Variants in PRICKLE4 observed in about 807,000 individuals in gnomAD.
PRICKLE4 encodes prickle planar cell polarity protein 4, also known as prickle-like protein 4.
In PRICKLE4, 40 loss-of-function variants were observed where a neutral mutation model predicts 43.5. The observed-to-expected ratio is 0.92, with a 90% CI of 0.71 to 1.20. The LOEUF is 1.20. Ranked by LOEUF, PRICKLE4 falls within the 50% of genes most tolerant of loss-of-function variation. PRICKLE4 has a pLI of 0.00. For synonymous variants in PRICKLE4, 208 were observed against 197.4 expected, an observed-to-expected ratio of 1.05 and a Z score of -0.45; for missense variants, 527 against 491.2, an observed-to-expected ratio of 1.07 and a Z score of -0.69.
chr6:41,784,053 G>A, intron 3 of PRICKLE4, 78 bp from the exon 4 acceptor site: 1 of 1,059,658 alleles, frequency 9.4e-7, no homozygotes, highest in Non-Finnish European at 1.4e-6. Flanking sequence ...GAGAAGAGGT[G>A]GCAATGATGA....
At chr6:41,786,372 G>A (rs774521945) in intron 7 of PRICKLE4, 40 bp downstream of exon 7, 1 of 1,538,566 alleles carries the variant, frequency 6.5e-7, no homozygotes, top group Non-Finnish European at 8.7e-7. Context: ...AGGGAGCTTG[G>A]GCTGGGCTGT....
chr6:41,786,353 C>A, intron 7 of PRICKLE4, 21 bp downstream of exon 7: 2 of 1,547,994 alleles, frequency 1.3e-6, no homozygotes, highest in Non-Finnish European at 1.7e-6. Flanking sequence ...GGATGCAGAG[C>A]AAAGCGGGAG....
chr6:41,784,367 G>GAGAATGA, intron 4 of PRICKLE4, 129 bp downstream of exon 4: 1 of 725,342 alleles, frequency 1.4e-6, no homozygotes, highest in Non-Finnish European at 2.2e-6. Flanking sequence ...ACTGGTTGGG[G>GAGAATGA]CGTCATTCTC....
chr6:41,783,525 C>T lies in PRICKLE4; in HGVS notation c.52C>T (p.Gln18Ter), dbSNP rs767033434. 1 of 1,602,680 alleles carries T rather than the reference C, an allele frequency of 6.2e-7. No homozygotes were observed. Among genetic ancestry groups the T allele is most frequent in the South Asian group, 1.1e-5 (1 of 90,760 alleles). Residue 18 changes from glutamine to a stop codon, truncating the protein, a stop_gained, in exon 3 of 8, where the codon CAG becomes TAG. Coordinates refer to ENST00000458694, the MANE Select transcript of PRICKLE4 (RefSeq NM_013397.6). LOFTEE classifies it high-confidence loss of function. Reference protein sequence around the residue: ...WPHQEDSPKPQDPGPPANSDS... With the variant: ...WPHQEDSPKP ...CCACCAAGAAGACAGCCCCAAGCCC[C>T]AGGATCCAGGTCCACCAGCCAACTC...
At position 41,784,226 on chromosome 6, in the gene PRICKLE4, G is replaced by A. The variant is rs374944656; in HGVS notation, c.228G>A (p.Pro76=). The A allele has an allele frequency of 1.6e-4, 250 of 1,610,328 alleles. No individual in the cohort carries two copies. The highest frequency in any genetic ancestry group is 6.6e-4 in the Admixed American group (39 of 59,338). ...GLQTLLQQLP[P]QDIDERYCLA... is the part of the protein sequence containing the mutation. ...AGACCCTCCTGCAGCAACTCCCTCCGCAGGACATTGATGTGGGTCTCCTCT... is the reference window on the plus strand; with the variant it reads ...AGACCCTCCTGCAGCAACTCCCTCCACAGGACATTGATGTGGGTCTCCTCT... The change falls in exon 4 of 8, where the codon CCG becomes CCA. Residue 76 remains proline (P), a synonymous_variant. Transcript: ENST00000458694.
chr6:41,784,068 G>C, intron 3 of PRICKLE4, 63 bp from the exon 4 acceptor site: 2 of 1,251,496 alleles, frequency 1.6e-6, no homozygotes, highest in Non-Finnish European at 2.3e-6. Flanking sequence ...TGATGAGGGG[G>C]AAAGAAGGAG....
chr6:41,781,985 C>T (rs553925427), intron 2 of PRICKLE4, among the ~76,000 whole-genome samples: 1 of 152,136 alleles, frequency 6.6e-6, no homozygotes, highest in East Asian at 1.9e-4. Flanking sequence ...TGATTGATCC[C>T]ATTCTACCTG....
Position 41,787,236 on chromosome 6 carries a change from C to T in PRICKLE4, c.*107C>T. The T allele has an allele frequency of 7.0e-7, 1 of 1,434,732 alleles. No homozygotes were observed. Among genetic ancestry groups the T allele is most frequent in the South Asian group, 1.4e-5 (1 of 68,978 alleles). 88.9% of individuals were successfully genotyped at this position (1,434,732 alleles called of 1,614,324 possible). ...TCCTAGACTGAGACGCAGTCAGGCGCACGCCCGCAAGAGGCGGCGAGGTGA... is the reference window on the plus strand; with the variant it reads ...TCCTAGACTGAGACGCAGTCAGGCGTACGCCCGCAAGAGGCGGCGAGGTGA... On this transcript the variant is annotated 3_prime_UTR_variant, in exon 8 of 8. Coordinates refer to ENST00000458694, the MANE Select transcript of PRICKLE4 (RefSeq NM_013397.6).
rs1772535512 is a variant in PRICKLE4, at chr6:41,780,785, A to C, written c.-225A>C. 2 of 311,256 alleles carry C rather than the reference A, an allele frequency of 6.4e-6. No individual in the cohort carries two copies. The highest frequency in any genetic ancestry group is 1.2e-5 in the Non-Finnish European group (2 of 160,724). The allele number at this position is 311,256 out of a possible 1,614,324, so 19.3% of individuals were successfully genotyped here. A position where few individuals can be genotyped will look rare whatever the true frequency, so the allele number is the denominator to read the frequency against. ...GGGACCGGGTGAGGGGCCTGACGGC[A>C]GAGTCGGTCCAGAACTGCCCGGACA... On this transcript the variant is annotated 5_prime_UTR_variant, in exon 1 of 8. Transcript: ENST00000458694.
In PRICKLE4 at chr6:41,785,421, G is replaced by T. The variant is rs759446865; in HGVS notation, c.463G>T (p.Ala155Ser). The T allele has an allele frequency of 6.2e-7, 1 of 1,614,108 alleles. No individual in the cohort carries two copies. Among genetic ancestry groups the T allele is most frequent in the South Asian group, 1.1e-5 (1 of 91,090 alleles). Residue 155 changes from alanine to serine, a missense_variant, in exon 6 of 8, where the codon GCC (alanine) becomes TCC (serine). Ala to Ser is a moderately conservative substitution (Grantham distance 99, BLOSUM62 1). Coordinates refer to ENST00000458694, the MANE Select transcript of PRICKLE4 (RefSeq NM_013397.6). ...GCGCTGCTGGCACCAGCCTTGCTTT[G>T]CCTGCCAGGCCTGTGGCCAGGCCCT... is the stretch of plus-strand genomic sequence containing the variant. ...EQRCWHQPCF[A>S]CQACGQALIN...
At chr6:41,782,424 C>T (rs1772568640) in intron 2 of PRICKLE4, among the ~76,000 whole-genome samples, 1 of 111,664 alleles carries the variant, frequency 9.0e-6, no homozygotes, top group Non-Finnish European at 1.7e-5. Context: ...GAGTCTTGCT[C>T]TGTCGCCCAG....
intron 7 of PRICKLE4, 187 bp from the exon 8 acceptor site, chr6:41,786,575 C>T: frequency 8.8e-7 from 1 of 1,137,902 alleles, no homozygotes; most frequent in Non-Finnish European, 1.2e-6. Flanking sequence ...AGACTCCCTC[C>T]CAGGCGCGGG....
intron 2 of PRICKLE4, among the ~76,000 whole-genome samples, chr6:41,782,166 G>C (rs921759189): frequency 1.3e-5 from 2 of 149,522 alleles, no homozygotes; most frequent in African/African-American, 4.9e-5. Context: ...CTTCCAGGTA[G>C]GTTGGAGCGA....
Position 41,786,128 on chromosome 6 carries a change from C to T in PRICKLE4, c.583C>T (p.Leu195=). 6.2e-7 allele frequency: 1 copy of T among 1,613,008 alleles called. No individual in the cohort carries two copies. Among genetic ancestry groups the T allele is most frequent in the East Asian group, 2.2e-5 (1 of 44,882 alleles). ...LRPRCPACDQ[L]IFSWRCTEAE... ...TCCCCTCTCCCTCTCCCTCTCCCAG[C>T]TGATCTTCTCCTGGCGCTGCACCGA... The change falls in exon 7 of 8, where the codon CTG becomes TTG. Residue 195 remains leucine, a splice_region_variant and synonymous_variant. Transcript: ENST00000458694.
At chr6:41,782,712 A>C (rs1273033595) in intron 2 of PRICKLE4, among the ~76,000 whole-genome samples, 2 of 152,138 alleles carry the variant, frequency 1.3e-5, no homozygotes, top group Non-Finnish European at 2.9e-5. Context: ...TCTTACCCCC[A>C]AGATATTATG....
rs371928416 is a variant in PRICKLE4 at position 41,783,623 on chromosome 6, T to A, written c.132+18T>A. ...ATGCTCAGGTAGTAGAGTCGTGCCC[T>A]TCCTCTGAGACCAACATGTCCTCTA... On this transcript the variant is annotated intron_variant, in intron 3 of 7. Transcript: ENST00000458694. 6.2e-7 allele frequency: 1 copy of A among 1,613,248 alleles called. No individual in the cohort carries two copies. The highest frequency in any genetic ancestry group is 8.5e-7 in the Non-Finnish European group (1 of 1,179,360).
At position 41,785,093 on chromosome 6, in the gene PRICKLE4, C is replaced by G. The variant is rs771348674; in HGVS notation, c.378+21C>G. Reference sequence around the variant, plus strand: ...AGAAGGTATGTAGCACCCCTCCCCCCAAATTCCCCTTCCTCTATTCTTTGC... The same window carrying G: ...AGAAGGTATGTAGCACCCCTCCCCCGAAATTCCCCTTCCTCTATTCTTTGC... On this transcript the variant is annotated intron_variant, in intron 5 of 7. Coordinates refer to ENST00000458694, the MANE Select transcript of PRICKLE4 (RefSeq NM_013397.6). The G allele has an allele frequency of 8.1e-6, 13 of 1,612,462 alleles. No individual in the cohort carries two copies. The Admixed American group carries it at 1.0e-4, about 13-fold the overall frequency.
In PRICKLE4 at chr6:41,785,065, G is replaced by A. The variant is rs1338782928; in HGVS notation, c.371G>A (p.Cys124Tyr). 9 of 1,613,460 alleles carry A rather than the reference G, an allele frequency of 5.6e-6. No individual in the cohort carries two copies. Among genetic ancestry groups the A allele is most frequent in the Non-Finnish European group, 6.8e-6 (8 of 1,179,788 alleles). Residue 124 changes from cysteine to tyrosine, a missense_variant, in exon 5 of 8, where the codon TGT (cysteine) becomes TAT (tyrosine). By Grantham distance (194) the Cys-to-Tyr change is radical. Coordinates refer to ENST00000458694, the MANE Select transcript of PRICKLE4 (RefSeq NM_013397.6). ...LVLPKLEGHT[C>Y]EKCRELLKPG... ...CTTCCCAAGCTTGAAGGACACACCT[G>A]TGAGAAGGTATGTAGCACCCCTCCC... is the stretch of plus-strand genomic sequence containing the variant.
intron 3 of PRICKLE4, 58 bp from the exon 4 acceptor site, chr6:41,784,073 A>G (rs201242551): frequency 2.0e-4 from 264 of 1,302,738 alleles, no homozygotes; most frequent in Middle Eastern, 9.6e-4. Flanking sequence ...AGGGGGAAAG[A>G]AGGAGAAAGG....
Sources: allele counts gnomAD v4.1 joint callset (sites outside exome capture counted in the v4.1 genomes callset), GRCh38; gene constraint gnomAD v4.1.1; transcripts MANE v1.5; gene names NCBI Gene and HGNC (gene_info 2026-07-23, HGNC 2026-07-21).